Variants in PHACTR1 observed in about 807,000 individuals in gnomAD.
PHACTR1 encodes the protein phosphatase and actin regulator 1.
Under a neutral mutation model 69.2 loss-of-function variants are expected in PHACTR1, and 16 were observed. That is an observed-to-expected ratio of 0.23 (90% CI 0.16 to 0.35). The LOEUF (loss-of-function observed/expected upper bound fraction) is 0.35. Among genes scored for constraint, PHACTR1 ranks in the 10% least tolerant of loss-of-function variants. The pLI, the probability that PHACTR1 is intolerant of heterozygous loss-of-function variation, is 1.00. For missense variants in PHACTR1, 510 were observed against 734.7 expected (o/e 0.69, Z 3.54); for synonymous variants, 312 against 284.5 (o/e 1.10, Z -0.97).
At chr6:13,224,201 G>A (rs142603887) in intron 8 of PHACTR1, among the ~76,000 whole-genome samples, 2,805 of 152,330 alleles carry the variant, frequency 0.018, 26 homozygotes, top group Non-Finnish European at 0.03. Context: ...GCCCGACAAG[G>A]AGCCTACAGC....
chr6:13,111,478 T>G (rs933982115), intron 5 of PHACTR1, among the ~76,000 whole-genome samples: 11 of 152,298 alleles, frequency 7.2e-5, no homozygotes, highest in African/African-American at 2.6e-4. Context: ...AATCTTACAA[T>G]GAAAACAGCC....
At chr6:13,098,939 A>G (rs1296490531) in intron 5 of PHACTR1, among the ~76,000 whole-genome samples, 5 of 152,356 alleles carry the variant, frequency 3.3e-5, no homozygotes, top group Non-Finnish European at 7.3e-5. Context: ...TAGCCATGGT[A>G]ATGGGATAAA....
chr6:13,026,363 T>A (rs1801698636), intron 4 of PHACTR1, among the ~76,000 whole-genome samples: 1 of 152,154 alleles, frequency 6.6e-6, no homozygotes, highest in Non-Finnish European at 1.5e-5. Flanking sequence ...GGTCATTCAG[T>A]CTCCCTGTGT....
intron 4 of PHACTR1, among the ~76,000 whole-genome samples, chr6:13,048,792 A>G (rs957358746): frequency 6.6e-6 from 1 of 152,172 alleles, no homozygotes; most frequent in African/African-American, 2.4e-5. Context: ...TTGGCCTCCC[A>G]AAGTGCTGGG....
At chr6:13,237,009 A>T (rs1366892961) in intron 10 of PHACTR1, among the ~76,000 whole-genome samples, 1 of 152,192 alleles carries the variant, frequency 6.6e-6, no homozygotes, top group Non-Finnish European at 1.5e-5. Context: ...GTTGTTTTGC[A>T]AAAATGAAGG....
chr6:13,133,663 C>T (rs61357233), intron 5 of PHACTR1, among the ~76,000 whole-genome samples: 209 of 152,200 alleles, frequency 1.4e-3, no homozygotes, highest in African/African-American at 4.8e-3. Context: ...ACCTCCCAGC[C>T]GCCTGCCTTG....
intron 5 of PHACTR1, among the ~76,000 whole-genome samples, chr6:13,080,766 A>T (rs1159833043): frequency 1.3e-5 from 2 of 152,198 alleles, no homozygotes; most frequent in Non-Finnish European, 2.9e-5. Flanking sequence ...AAAACCTGGT[A>T]GAAATGACAA....
intron 5 of PHACTR1, among the ~76,000 whole-genome samples, chr6:13,109,025 T>C (rs1407295948): frequency 1.3e-5 from 2 of 152,040 alleles, no homozygotes; most frequent in Non-Finnish European, 2.9e-5. Context: ...CTTAATTTTA[T>C]CGCAGTCTAC....
chr6:12,933,941 C>T (rs377567583), intron 4 of PHACTR1: 49 of 1,598,354 alleles, frequency 3.1e-5, no homozygotes, highest in South Asian at 2.6e-4. Context: ...TGCGGGTTGG[C>T]GTGTGTATTC....
intron 8 of PHACTR1, among the ~76,000 whole-genome samples, chr6:13,220,590 G>C (rs910433921): frequency 6.6e-6 from 1 of 152,122 alleles, no homozygotes; most frequent in Non-Finnish European, 1.5e-5. Flanking sequence ...ACACAGTCCT[G>C]GAATGAAGGC....
At chr6:12,984,918 C>T (rs1035247932) in intron 4 of PHACTR1, among the ~76,000 whole-genome samples, 1 of 152,196 alleles carries the variant, frequency 6.6e-6, no homozygotes, top group Non-Finnish European at 1.5e-5. Context: ...AGAACAAAAT[C>T]TGAGCAAGAC....
chr6:13,014,774 G>C (rs1799919757), intron 4 of PHACTR1, among the ~76,000 whole-genome samples: 1 of 152,240 alleles, frequency 6.6e-6, no homozygotes, highest in Admixed American at 6.5e-5. Context: ...GAGCCTGGGC[G>C]TGTGCGAGCC....
At chr6:13,092,764 A>T (rs1306353738) in intron 5 of PHACTR1, among the ~76,000 whole-genome samples, 1 of 152,200 alleles carries the variant, frequency 6.6e-6, no homozygotes, top group Non-Finnish European at 1.5e-5. Context: ...TGGAGTAAAA[A>T]AGCAGAAGGG....
chr6:12,939,600 A>G (rs1789848947), intron 4 of PHACTR1, among the ~76,000 whole-genome samples: 1 of 152,204 alleles, frequency 6.6e-6, no homozygotes, highest in African/African-American at 2.4e-5. Flanking sequence ...AAGTAGCTGT[A>G]TATTCATGAC....
At chr6:12,836,090 C>A (rs1190952688) in intron 4 of PHACTR1, among the ~76,000 whole-genome samples, 1 of 152,068 alleles carries the variant, frequency 6.6e-6, no homozygotes, top group African/African-American at 2.4e-5. Context: ...TGCTTTTGAA[C>A]TGAGTACCGA....
At position 13,066,770 on chromosome 6, in the gene PHACTR1, G is replaced by A. The variant is rs867727314; in HGVS notation, c.415+13241G>A. Among the ~76,000 whole-genome samples, 7 of 152,234 alleles carry A rather than the reference G, an allele frequency of 4.6e-5. 1 individual carries two copies. In the East Asian group the frequency reaches 1.4e-3, roughly 29 times the overall value. On this transcript the variant is annotated intron_variant, in intron 5 of 14. Transcript: ENST00000332995. ...AAGCTGGGCCCCTTTCCCTGTTTAT[G>A]TTGTCTCAGGGCTTTTCCATGGGGT...
intron 4 of PHACTR1, among the ~76,000 whole-genome samples, chr6:12,956,674 C>T (rs940890207): frequency 6.6e-6 from 1 of 152,082 alleles, no homozygotes; most frequent in South Asian, 2.1e-4. Context: ...GGGGTTTTGG[C>T]TCAAGACCCC....
At chr6:13,159,680 C>A (rs1216909253) in intron 5 of PHACTR1, among the ~76,000 whole-genome samples, 1 of 152,152 alleles carries the variant, frequency 6.6e-6, no homozygotes, top group Non-Finnish European at 1.5e-5. Flanking sequence ...AGTGGCTTAC[C>A]CCTGTAATCC....
At chr6:12,851,132 T>C (rs1199689123) in intron 4 of PHACTR1, among the ~76,000 whole-genome samples, 1 of 152,208 alleles carries the variant, frequency 6.6e-6, no homozygotes, top group Non-Finnish European at 1.5e-5. Context: ...ACATAATTAT[T>C]GCAAACTCAT....
Sources: allele counts gnomAD v4.1 joint callset (sites outside exome capture counted in the v4.1 genomes callset), GRCh38; gene constraint gnomAD v4.1.1; transcripts MANE v1.5; gene names NCBI Gene and HGNC (gene_info 2026-07-23, HGNC 2026-07-21).